RNF220: variants seen among roughly 807,000 people sequenced by gnomAD.
RNF220 encodes the protein E3 ubiquitin-protein ligase RNF220.
A neutral mutation model predicts 67.1 loss-of-function variants in RNF220; 7 were observed. That is an observed-to-expected ratio of 0.10 (90% CI 0.06 to 0.20). RNF220 has a LOEUF of 0.20. Ranked by LOEUF, RNF220 falls within the 10% of genes least tolerant of loss-of-function variation. The pLI is 1.00. For missense variants in RNF220, 565 were observed against 740.3 expected, an observed-to-expected ratio of 0.76 and a Z score of 2.75; for synonymous variants, 270 against 283.2, an observed-to-expected ratio of 0.95 and a Z score of 0.47.
chr1:44,447,364 C>T (rs554669492), intron 2 of RNF220, among the ~76,000 whole-genome samples: 2 of 152,322 alleles, frequency 1.3e-5, no homozygotes, highest in South Asian at 4.1e-4. Flanking sequence ...TTACGTAAAA[C>T]AGCCAAGATA....
chr1:44,627,620 T>G (rs555869580), intron 5 of RNF220, among the ~76,000 whole-genome samples: 44 of 152,148 alleles, frequency 2.9e-4, no homozygotes, highest in Non-Finnish European at 5.4e-4. Flanking sequence ...GCCCTGTCTT[T>G]AAGAACCCCA....
chr1:44,566,220 C>A (rs1305079326), intron 2 of RNF220, among the ~76,000 whole-genome samples: 1 of 152,156 alleles, frequency 6.6e-6, no homozygotes. Context: ...CCAGCCCAGC[C>A]CCTAACTGGA....
chr1:44,589,966 TG>T (rs1225485263), intron 2 of RNF220, among the ~76,000 whole-genome samples: 2 of 152,150 alleles, frequency 1.3e-5, no homozygotes, highest in Non-Finnish European at 2.9e-5. Flanking sequence ...CTCTGGACCC[TG>T]GTGCAAATTA....
intron 4 of RNF220, among the ~76,000 whole-genome samples, chr1:44,623,925 TG>T (rs1643876263): frequency 6.6e-6 from 1 of 152,222 alleles, no homozygotes; most frequent in Admixed American, 6.5e-5. Context: ...CAGTGACTGG[TG>T]ACCTCTAAGA....
At chr1:44,477,010 A>G (rs1305774553) in intron 2 of RNF220, among the ~76,000 whole-genome samples, 1 of 152,204 alleles carries the variant, frequency 6.6e-6, no homozygotes, top group Admixed American at 6.5e-5. Context: ...CAAGCAACCT[A>G]ATTCCTTGGG....
chr1:44,610,726 G>A (rs902851745), intron 2 of RNF220, among the ~76,000 whole-genome samples: 1 of 152,150 alleles, frequency 6.6e-6, no homozygotes, highest in Admixed American at 6.5e-5. Context: ...GCATCCAATG[G>A]GCAGCTGAAC....
At chr1:44,571,406 G>A (rs993039349) in intron 2 of RNF220, among the ~76,000 whole-genome samples, 1 of 152,238 alleles carries the variant, frequency 6.6e-6, no homozygotes. Flanking sequence ...GCCACCTGCT[G>A]TCACTCTCAG....
intron 2 of RNF220, among the ~76,000 whole-genome samples, chr1:44,497,063 T>C (rs1657404597): frequency 6.6e-6 from 1 of 152,150 alleles, no homozygotes; most frequent in Admixed American, 6.5e-5. Context: ...ATAGGACCCC[T>C]GGGACAGTTT....
intron 2 of RNF220, among the ~76,000 whole-genome samples, chr1:44,521,919 CAGAG>C (rs1008410224): frequency 1.6e-4 from 24 of 152,130 alleles, no homozygotes; most frequent in Non-Finnish European, 3.4e-4. Context: ...GTATTCCAAT[CAGAG>C]AGAACAAGCA....
intron 2 of RNF220, among the ~76,000 whole-genome samples, chr1:44,497,176 G>A (rs759801627): frequency 6.6e-6 from 1 of 151,964 alleles, no homozygotes; most frequent in South Asian, 2.1e-4. Context: ...AATTCCCAAG[G>A]CATCTCTAGA....
At chr1:44,576,099 CCACTTGGGTGAACTACCATAGAT>C (rs972657878) in intron 2 of RNF220, among the ~76,000 whole-genome samples, 8 of 152,222 alleles carry the variant, frequency 5.3e-5, no homozygotes, top group Non-Finnish European at 8.8e-5. Flanking sequence ...GCAACAAATT[CCACTTGGGTGAACTACCATAGAT>C]CACTTGGGTG....
At chr1:44,594,557 C>T (rs1666342952) in intron 2 of RNF220, among the ~76,000 whole-genome samples, 1 of 152,198 alleles carries the variant, frequency 6.6e-6, no homozygotes, top group Non-Finnish European at 1.5e-5. Context: ...TGCCTGAGCT[C>T]CCTTGCTGAG....
At chr1:44,537,211 A>G (rs1318422440) in intron 2 of RNF220, among the ~76,000 whole-genome samples, 1 of 152,056 alleles carries the variant, frequency 6.6e-6, no homozygotes, top group Non-Finnish European at 1.5e-5. Flanking sequence ...GTGGTCTACA[A>G]CCAACCCCTT....
intron 2 of RNF220, among the ~76,000 whole-genome samples, chr1:44,484,468 T>G (rs915288731): frequency 2.0e-5 from 3 of 152,050 alleles, no homozygotes; most frequent in African/African-American, 7.2e-5. Flanking sequence ...AGTAGACTGC[T>G]GAGCACCAGT....
chr1:44,418,700 C>T (rs912264527), intron 2 of RNF220, among the ~76,000 whole-genome samples: 10 of 151,882 alleles, frequency 6.6e-5, no homozygotes, highest in African/African-American at 2.2e-4. Context: ...TCCCTCCCCA[C>T]CCCCTTTCCT....
intron 2 of RNF220, among the ~76,000 whole-genome samples, chr1:44,573,881 A>T (rs1664621887): frequency 6.6e-6 from 1 of 152,204 alleles, no homozygotes; most frequent in African/African-American, 2.4e-5. Flanking sequence ...TGGGAGCCCA[A>T]GGTGGGTGGA....
intron 2 of RNF220, among the ~76,000 whole-genome samples, chr1:44,437,261 A>G (rs1394827304): frequency 2.6e-5 from 4 of 152,242 alleles, no homozygotes; most frequent in Non-Finnish European, 5.9e-5. Context: ...GGCCAACTGC[A>G]TGAGCACAGT....
chr1:44,584,130 G>A (rs1353554679), intron 2 of RNF220, among the ~76,000 whole-genome samples: 1 of 152,222 alleles, frequency 6.6e-6, no homozygotes, highest in Non-Finnish European at 1.5e-5. Flanking sequence ...CTGAAGACCT[G>A]GGAACTCCAG....
rs1447559536 is a variant in RNF220, at chr1:44,650,005, C to T, written c.1629+48C>T. On this transcript the variant is annotated intron_variant, in intron 14 of 14. Transcript: ENST00000361799. This position sits in a 1 kb window ranked among gnomAD's most constrained non-coding sequence, Gnocchi z 4.3. ...GAATGGGAGGCCGCTCCGGGCACTG[C>T]CCAGATGTCTGTGCTTATGCCTGAG... The T allele has an allele frequency of 6.3e-7, 1 of 1,578,074 alleles. No individual in the cohort carries two copies. Among genetic ancestry groups the T allele is most frequent in the Non-Finnish European group, 8.7e-7 (1 of 1,154,068 alleles).
Sources: allele counts gnomAD v4.1 joint callset (sites outside exome capture counted in the v4.1 genomes callset), GRCh38; gene constraint gnomAD v4.1.1; non-coding constraint Gnocchi (gnomAD v3.1); transcripts MANE v1.5; gene names NCBI Gene and HGNC (gene_info 2026-07-23, HGNC 2026-07-21).